The following AHSA1 variants were observed in gnomAD, a reference collection of about 807,000 sequenced individuals.
AHSA1 encodes activator of HSP90 ATPase activity 1.
A neutral mutation model predicts 46.1 loss-of-function variants in AHSA1; 14 were observed. The observed-to-expected ratio is 0.30, with a 90% CI of 0.20 to 0.47. The LOEUF is 0.47. Among genes scored for constraint, AHSA1 ranks in the 20% least tolerant of loss-of-function variants. The pLI, the probability that AHSA1 is intolerant of heterozygous loss-of-function variation, is 0.99. For missense variants in AHSA1, 333 were observed against 415.9 expected (o/e 0.80, Z 1.73); for synonymous variants, 147 against 145.8 (o/e 1.01, Z -0.06).
chr14:77,464,733 GA>G, intron 5 of AHSA1, 47 bp downstream of exon 5: 1 of 1,523,858 alleles, frequency 6.6e-7, no homozygotes, highest in Non-Finnish European at 9.0e-7. Context: ...AGGAACTTGA[GA>G]GACCGCCTTC....
intron 7 of AHSA1, 73 bp from the exon 8 acceptor site, chr14:77,468,384 C>A: frequency 2.1e-6 from 3 of 1,405,824 alleles, no homozygotes; most frequent in Non-Finnish European, 2.0e-6. Context: ...GTATGAAGGG[C>A]AGATGACTGA....
intron 4 of AHSA1, 24 bp from the exon 5 acceptor site, chr14:77,464,574 T>C: frequency 6.3e-7 from 1 of 1,591,936 alleles, no homozygotes; most frequent in Non-Finnish European, 8.6e-7. Flanking sequence ...GTAACTTCCA[T>C]GAGCTGGAAT....
intron 1 of AHSA1, among the ~76,000 whole-genome samples, chr14:77,458,572 C>T (rs1462195256): frequency 6.6e-6 from 1 of 152,260 alleles, no homozygotes; most frequent in African/African-American, 2.4e-5. Context: ...GCTTATTACA[C>T]GTGGCCAGAG....
rs549371662 is a variant in AHSA1 at position 77,462,300 on chromosome 14, A to T, written c.354+58A>T. 4.0e-6 allele frequency: 6 copies of T among 1,495,072 alleles called. No homozygotes were observed. In the East Asian group the frequency reaches 1.4e-4, roughly 34 times the overall value. The allele number at this position is 1,495,072 out of a possible 1,614,324, so 92.6% of individuals were successfully genotyped here. A position where few individuals can be genotyped will look rare whatever the true frequency, so the allele number is the denominator to read the frequency against. On this transcript the variant is annotated intron_variant, in intron 3 of 8. Transcript: ENST00000216479. ...CTATATCCTCTTATTCTCAGATGAG[A>T]AAAGTGACCTGTCATTCAGGATTCA...
chr14:77,463,975 C>A (rs1239141574), intron 4 of AHSA1, among the ~76,000 whole-genome samples: 2 of 152,246 alleles, frequency 1.3e-5, no homozygotes, highest in Non-Finnish European at 2.9e-5. Flanking sequence ...AGATTACCCA[C>A]TCTTGAAGTC....
At position 77,464,704 on chromosome 14, in the gene AHSA1, G is replaced by A. The variant is rs372924219; in HGVS notation, c.561+18G>A. 1.0e-4 allele frequency: 163 copies of A among 1,607,464 alleles called. 3 individuals carry two copies. In the South Asian group the frequency reaches 1.7e-3, roughly 17 times the overall value. ...AGCGCAAGGTAAATGGTTTTCCTGG[G>A]GTGGGAGACTGTCTGCAAAGGAACT... On this transcript the variant is annotated intron_variant, in intron 5 of 8. Coordinates refer to ENST00000216479, the MANE Select transcript of AHSA1 (RefSeq NM_012111.3).
intron 8 of AHSA1, 42 bp downstream of exon 8, chr14:77,468,550 C>A (rs1369443746): frequency 1.5e-5 from 22 of 1,466,982 alleles, no homozygotes; most frequent in East Asian, 2.3e-5. Context: ...AGAACTTTTT[C>A]TCTTTGCTGT....
intron 2 of AHSA1, among the ~76,000 whole-genome samples, chr14:77,461,161 A>T (rs2079022450): frequency 6.6e-6 from 1 of 152,030 alleles, no homozygotes; most frequent in Non-Finnish European, 1.5e-5. Context: ...TCCATCTCAA[A>T]AAAAATAAAA....
In AHSA1 at chr14:77,462,763, T is replaced by C; in HGVS notation, c.472+4T>C. On this transcript the variant is annotated splice_donor_region_variant and intron_variant, in intron 4 of 8. Transcript: ENST00000216479. ...TACATCAGCACCCTCAAAACAGGTATCCCTTGAGTAGTTCTGTATGCCTTA... is the reference window on the plus strand; with the variant it reads ...TACATCAGCACCCTCAAAACAGGTACCCCTTGAGTAGTTCTGTATGCCTTA... 6 of 1,612,020 alleles carry C rather than the reference T, an allele frequency of 3.7e-6. No individual in the cohort carries two copies. Among genetic ancestry groups the C allele is most frequent in the Non-Finnish European group, 5.1e-6 (6 of 1,178,156 alleles).
rs1253629757 is a variant in AHSA1, at chr14:77,469,134, G to A, written c.902G>A (p.Cys301Tyr). 15 of 1,614,070 alleles carry A rather than the reference G, an allele frequency of 9.3e-6. No individual in the cohort carries two copies. The highest frequency in any genetic ancestry group is 1.3e-5 in the African/African-American group (1 of 74,928). ...FIDKNGETELCMEGRGIPAPE... is the reference protein window; with the variant it reads ...FIDKNGETELYMEGRGIPAPE... Reference sequence around the variant, plus strand: ...GACAAGAACGGAGAGACTGAGCTGTGCATGGAAGGTCGAGGCATCCCTGCT... The same window carrying A: ...GACAAGAACGGAGAGACTGAGCTGTACATGGAAGGTCGAGGCATCCCTGCT... Residue 301 changes from cysteine (C) to tyrosine (Y), a missense_variant, in exon 9 of 9, where the codon TGC becomes TAC. By Grantham distance (194) the Cys-to-Tyr change is radical. Coordinates refer to ENST00000216479, the MANE Select transcript of AHSA1 (RefSeq NM_012111.3).
chr14:77,458,373 C>T (rs1415677607), intron 1 of AHSA1, 104 bp downstream of exon 1: 2 of 1,237,054 alleles, frequency 1.6e-6, no homozygotes, highest in Admixed American at 3.1e-5. Flanking sequence ...TGAGGTAGCC[C>T]TGTCCGGAGA....
At position 77,465,591 on chromosome 14, in the gene AHSA1, C is replaced by T. The variant is rs1371363952; in HGVS notation, c.614C>T (p.Pro205Leu). Residue 205 changes from proline (P) to leucine (L), a missense_variant, in exon 6 of 9, where the codon CCC becomes CTC. Coordinates refer to ENST00000216479, the MANE Select transcript of AHSA1 (RefSeq NM_012111.3). ...TQARPVGVKIPTCKITLKETF... is the reference protein window; with the variant it reads ...TQARPVGVKILTCKITLKETF... ...GCCAGACCTGTTGGAGTCAAAATCC[C>T]CACTTGTAAGATCACTCTTAAGGAA... is the stretch of plus-strand genomic sequence containing the variant. The T allele has an allele frequency of 1.2e-6, 2 of 1,613,956 alleles. No individual in the cohort carries two copies. The highest frequency in any genetic ancestry group is 4.5e-5 in the East Asian group (2 of 44,892).
rs138402374 is a variant in AHSA1, at chr14:77,468,160, C to A, written c.768C>A (p.Asn256Lys). 6.4e-7 allele frequency: 1 copy of A among 1,557,322 alleles called. No homozygotes were observed. The highest frequency in any genetic ancestry group is 8.7e-7 in the Non-Finnish European group (1 of 1,150,178). ...GAAAGTTCCACATGGTAGATGGCAA[C>A]GTCTCTGGGGAATTTACTGATCTGG... The part of the protein sequence containing the change: ...RGGKFHMVDG[N>K]VSGEFTDLVP... Residue 256 changes from asparagine to lysine, a missense_variant, in exon 7 of 9, where the codon AAC (asparagine) becomes AAA (lysine). Asn to Lys is a moderately conservative substitution (Grantham distance 94). Transcript: ENST00000216479.
chr14:77,458,036 T>G, upstream of AHSA1: 2 of 582,914 alleles, frequency 3.4e-6, no homozygotes, highest in Admixed American at 3.9e-5. Context: ...AGCCGGAAGT[T>G]AAGGAGGGGA....
intron 6 of AHSA1, 28 bp from the exon 7 acceptor site, chr14:77,468,048 CCTCTTTT>C: frequency 9.8e-7 from 1 of 1,022,870 alleles, no homozygotes; most frequent in African/African-American, 1.7e-5. Context: ...GTATCTTCTG[CCTCTTTT>C]TTTTTTTTTT....
At position 77,469,286 on chromosome 14, in the gene AHSA1, C is replaced by CA; in HGVS notation, c.*38dup. 1 of 1,603,136 alleles carries CA rather than the reference C, an allele frequency of 6.2e-7. No homozygotes were observed. The highest frequency in any genetic ancestry group is 8.5e-7 in the Non-Finnish European group (1 of 1,173,060). On this transcript the variant is annotated 3_prime_UTR_variant, in exon 9 of 9. Transcript: ENST00000216479. ...GGGGACTCCAGCCTGCTGGACACTTCAGTCCAGCTCTCTCCTGACTGGGGC... is the reference window on the plus strand; with the variant it reads ...GGGGACTCCAGCCTGCTGGACACTTCAAGTCCAGCTCTCTCCTGACTGGGGC...
In AHSA1 at chr14:77,462,700, A is replaced by C. The variant is rs1254006779; in HGVS notation, c.413A>C (p.Glu138Ala). 6.2e-7 allele frequency: 1 copy of C among 1,614,178 alleles called. No homozygotes were observed. Among genetic ancestry groups the C allele is most frequent in the Non-Finnish European group, 8.5e-7 (1 of 1,180,014 alleles). The part of the protein sequence containing the change: ...PDTNLVALMK[E>A]EGVKLLREAM... ...ACAAATCTCGTGGCCTTAATGAAGG[A>C]AGAAGGGGTGAAACTTCTAAGAGAA... Residue 138 changes from glutamate to alanine, a missense_variant, in exon 4 of 9, where the codon GAA becomes GCA. Glu to Ala is a moderately radical substitution (Grantham distance 107). Coordinates refer to ENST00000216479, the MANE Select transcript of AHSA1 (RefSeq NM_012111.3).
In AHSA1 at chr14:77,462,196, T is replaced by C. The variant is rs768856030; in HGVS notation, c.308T>C (p.Val103Ala). 4 of 1,613,684 alleles carry C rather than the reference T, an allele frequency of 2.5e-6. No individual in the cohort carries two copies. Among genetic ancestry groups the C allele is most frequent in the Non-Finnish European group, 3.4e-6 (4 of 1,179,592 alleles). Residue 103 changes from valine to alanine, a missense_variant, in exon 3 of 9, where the codon GTG becomes GCG. Coordinates refer to ENST00000216479, the MANE Select transcript of AHSA1 (RefSeq NM_012111.3). ...SKSGVQYKGH[V>A]EIPNLSDENS... Reference sequence around the variant, plus strand: ...TCAGGAGTACAATACAAAGGACATGTGGAGATCCCCAATTTGTCTGATGAA... The same window carrying C: ...TCAGGAGTACAATACAAAGGACATGCGGAGATCCCCAATTTGTCTGATGAA...
intron 2 of AHSA1, among the ~76,000 whole-genome samples, chr14:77,461,655 A>G (rs570789068): frequency 6.6e-5 from 10 of 152,312 alleles, no homozygotes; most frequent in South Asian, 2.1e-4. Flanking sequence ...CTCACAACAC[A>G]CGCTGTAAAC....
Sources: allele counts gnomAD v4.1 joint callset (sites outside exome capture counted in the v4.1 genomes callset), GRCh38; gene constraint gnomAD v4.1.1; transcripts MANE v1.5; gene names NCBI Gene and HGNC (gene_info 2026-07-23, HGNC 2026-07-21).